The following GRM8 variants were observed in gnomAD, a reference collection of about 807,000 sequenced individuals.
GRM8 encodes metabotropic glutamate receptor 8.
Under a neutral mutation model 87.2 loss-of-function variants are expected in GRM8, and 47 were observed. That is an observed-to-expected ratio of 0.54 (90% confidence interval 0.43 to 0.69). The LOEUF (loss-of-function observed/expected upper bound fraction) is 0.69, where lower values mean the gene tolerates loss of function less well. Ranked by LOEUF, GRM8 falls within the 30% of genes least tolerant of loss-of-function variation. The probability of loss-of-function intolerance (pLI) is 0.00; values close to 1 mark genes in which losing one functional copy is unlikely to be tolerated. For synonymous variants in GRM8, 396 were observed against 404.5 expected (o/e 0.98, Z 0.25); for missense variants, 1,019 against 1,139.2 (o/e 0.89, Z 1.52).
chr7:126,446,174 G>T lies in GRM8; in HGVS notation c.2629C>A (p.Pro877Thr). The change falls in exon 10 of 11, where the codon CCA (proline) becomes ACA (threonine). Residue 877 changes from proline to threonine, a missense_variant. Transcript: ENST00000339582. ...SKLIQKGNDR[P>T]NGEVKSELCE... ...AGTTCACTTTTCACCTCGCCATTTG[G>T]TCTGTCATTTCCTTTTTGGATCAGT... is the stretch of plus-strand genomic sequence containing the variant. The T allele has an allele frequency of 1.2e-6, 2 of 1,612,704 alleles. No homozygotes were observed. Among genetic ancestry groups the T allele is most frequent in the South Asian group, 1.1e-5 (1 of 91,058 alleles).
chr7:126,803,104 A>T (rs968251635), intron 6 of GRM8, among the ~76,000 whole-genome samples: 1 of 152,238 alleles, frequency 6.6e-6, no homozygotes, highest in African/African-American at 2.4e-5. Flanking sequence ...TCTTTGAATA[A>T]ATTAGTGATT....
intron 3 of GRM8, among the ~76,000 whole-genome samples, chr7:126,917,664 T>C (rs1480866015): frequency 1.3e-5 from 2 of 152,186 alleles, no homozygotes; most frequent in African/African-American, 2.4e-5. Flanking sequence ...CTAATCCTAA[T>C]AGCAAATAAT....
At chr7:126,809,535 A>C (rs1793097307) in intron 6 of GRM8, among the ~76,000 whole-genome samples, 1 of 152,080 alleles carries the variant, frequency 6.6e-6, no homozygotes, top group South Asian at 2.1e-4. Context: ...ACCTTCCCAT[A>C]CTCTACACTA....
At chr7:127,043,375 A>T (rs1818614715) in intron 3 of GRM8, among the ~76,000 whole-genome samples, 1 of 152,254 alleles carries the variant, frequency 6.6e-6, no homozygotes, top group Admixed American at 6.5e-5. Context: ...CAAATGTCCA[A>T]CAATGATAGA....
chr7:126,783,338 T>C (rs978919575), intron 6 of GRM8, among the ~76,000 whole-genome samples: 1 of 152,220 alleles, frequency 6.6e-6, no homozygotes, highest in South Asian at 2.1e-4. Flanking sequence ...GATGTATAAG[T>C]AAGATAATCC....
At chr7:127,026,930 A>G (rs1054455425) in intron 3 of GRM8, among the ~76,000 whole-genome samples, 2 of 152,030 alleles carry the variant, frequency 1.3e-5, no homozygotes, top group Non-Finnish European at 2.9e-5. Flanking sequence ...CCTGAATGGT[A>G]TTGTCTAGGT....
intron 6 of GRM8, among the ~76,000 whole-genome samples, chr7:126,856,451 C>T (rs1797693679): frequency 6.6e-6 from 1 of 152,050 alleles, no homozygotes; most frequent in Non-Finnish European, 1.5e-5. Flanking sequence ...GGAAACAGTA[C>T]CATTTCTACA....
chr7:126,546,652 T>C (rs1336525177), intron 8 of GRM8, among the ~76,000 whole-genome samples: 1 of 152,154 alleles, frequency 6.6e-6, no homozygotes, highest in Non-Finnish European at 1.5e-5. Flanking sequence ...TGGTAGTAAT[T>C]TATTTAAAGG....
chr7:126,945,838 C>T (rs1807475289), intron 3 of GRM8, among the ~76,000 whole-genome samples: 1 of 152,170 alleles, frequency 6.6e-6, no homozygotes, highest in Non-Finnish European at 1.5e-5. Flanking sequence ...GAGATGCACA[C>T]ATAAAGGCCT....
intron 8 of GRM8, among the ~76,000 whole-genome samples, chr7:126,576,171 G>A (rs558149205): frequency 6.6e-6 from 1 of 152,300 alleles, no homozygotes; most frequent in South Asian, 2.1e-4. Context: ...ATTTTGAGAA[G>A]TGATTAAAAT....
intron 3 of GRM8, among the ~76,000 whole-genome samples, chr7:127,000,250 T>C (rs539209308): frequency 4.0e-5 from 6 of 151,654 alleles, no homozygotes; most frequent in African/African-American, 1.2e-4. Flanking sequence ...GGAATGGTAG[T>C]GGGGATGTGG....
At chr7:126,947,481 G>C (rs1807666898) in intron 3 of GRM8, among the ~76,000 whole-genome samples, 1 of 151,970 alleles carries the variant, frequency 6.6e-6, no homozygotes, top group South Asian at 2.1e-4. Context: ...TTTTGAGCAA[G>C]TAACTTAATT....
chr7:127,007,876 C>A (rs1421421950), intron 3 of GRM8, among the ~76,000 whole-genome samples: 2 of 151,946 alleles, frequency 1.3e-5, no homozygotes, highest in African/African-American at 4.8e-5. Flanking sequence ...GTAGTTATTG[C>A]AGATTAACAA....
chr7:126,975,708 T>C (rs865829171), intron 3 of GRM8, among the ~76,000 whole-genome samples: 1 of 152,310 alleles, frequency 6.6e-6, no homozygotes, highest in Non-Finnish European at 1.5e-5. Flanking sequence ...GCTCAGAATT[T>C]CTAATAACTT....
At chr7:127,071,717 G>A (rs1821711004) in intron 3 of GRM8, among the ~76,000 whole-genome samples, 1 of 152,100 alleles carries the variant, frequency 6.6e-6, no homozygotes. Context: ...GTCTCTGAAT[G>A]CAAATCAAAT....
chr7:126,767,912 T>C (rs746988028), intron 7 of GRM8, among the ~76,000 whole-genome samples: 1 of 152,216 alleles, frequency 6.6e-6, no homozygotes, highest in Non-Finnish European at 1.5e-5. Flanking sequence ...CTAAGATTTA[T>C]TTATTTTCCA....
At chr7:126,816,288 C>A (rs1202197463) in intron 6 of GRM8, among the ~76,000 whole-genome samples, 2 of 152,092 alleles carry the variant, frequency 1.3e-5, no homozygotes, top group Non-Finnish European at 2.9e-5. Flanking sequence ...CAATATAAGG[C>A]TTTACCACCC....
intron 7 of GRM8, among the ~76,000 whole-genome samples, chr7:126,691,495 C>T (rs1808804970): frequency 6.6e-6 from 1 of 152,124 alleles, no homozygotes; most frequent in South Asian, 2.1e-4. Flanking sequence ...GCCCCTCCAA[C>T]TTGGAAGGGG....
At chr7:126,454,736 T>C (rs1052367104) in intron 9 of GRM8, among the ~76,000 whole-genome samples, 3 of 151,464 alleles carry the variant, frequency 2.0e-5, no homozygotes, top group African/African-American at 7.3e-5. Flanking sequence ...GAGAAGAAAT[T>C]AGGACACAAG....
Sources: allele counts gnomAD v4.1 joint callset (sites outside exome capture counted in the v4.1 genomes callset), GRCh38; gene constraint gnomAD v4.1.1; transcripts MANE v1.5; gene names NCBI Gene and HGNC (gene_info 2026-07-23, HGNC 2026-07-21).